UBE2H: variants seen among roughly 807,000 people sequenced by gnomAD.
UBE2H encodes the protein ubiquitin-conjugating enzyme E2 H.
In UBE2H, 3 loss-of-function variants were observed where a neutral mutation model predicts 29.0. The observed-to-expected ratio is 0.10, with a 90% CI of 0.05 to 0.27. UBE2H has a LOEUF of 0.27. Among genes scored for constraint, UBE2H ranks in the 10% least tolerant of loss-of-function variants. UBE2H has a pLI of 1.00. For synonymous variants in UBE2H, 69 were observed against 82.9 expected (o/e 0.83, Z 0.91); for missense variants, 68 against 228.2 (o/e 0.30, Z 4.52).
At chr7:129,918,294 TGTA>T (rs1807084099) in intron 1 of UBE2H, among the ~76,000 whole-genome samples, 1 of 151,916 alleles carries the variant, frequency 6.6e-6, no homozygotes, top group African/African-American at 2.4e-5. Flanking sequence ...CTACATACAA[TGTA>T]GCAAGAGTAA....
rs1563016661 is a variant in UBE2H at position 129,835,081 on chromosome 7, G to C, written c.428-20C>G. The C allele has an allele frequency of 6.2e-7, 1 of 1,613,894 alleles. No homozygotes were observed. Among genetic ancestry groups the C allele is most frequent in the African/African-American group, 1.3e-5 (1 of 75,034 alleles). On this transcript the variant is annotated intron_variant, in intron 6 of 6. Coordinates refer to ENST00000355621, the MANE Select transcript of UBE2H (RefSeq NM_003344.4). ...TGTACTCTGCACGGGGTGGGAGAAAGACAACAAGGGCAGTGAGTGGGCAGG... is the reference window on the plus strand; with the variant it reads ...TGTACTCTGCACGGGGTGGGAGAAACACAACAAGGGCAGTGAGTGGGCAGG...
intron 5 of UBE2H, among the ~76,000 whole-genome samples, chr7:129,853,498 A>G (rs1372720862): frequency 6.6e-6 from 1 of 152,240 alleles, no homozygotes; most frequent in Non-Finnish European, 1.5e-5. Flanking sequence ...CAATAACAAT[A>G]GATAACTTCA....
In UBE2H at chr7:129,834,130, T is replaced by C. The variant is rs1183432869; in HGVS notation, c.*807A>G. 6.6e-6 allele frequency: 1 copy of C among 152,142 alleles called. No homozygotes were observed. The highest frequency in any genetic ancestry group is 1.5e-5 in the Non-Finnish European group (1 of 68,026). 9.4% of individuals were successfully genotyped at this position (152,142 alleles called of 1,614,324 possible). A position where few individuals can be genotyped will look rare whatever the true frequency, so the allele number is the denominator to read the frequency against. ...ATGAGGATGTGACTCTGCATGTGTTTTGGATGAGAGGAAGCATCGTCCCAG... is the reference window on the plus strand; with the variant it reads ...ATGAGGATGTGACTCTGCATGTGTTCTGGATGAGAGGAAGCATCGTCCCAG... On this transcript the variant is annotated 3_prime_UTR_variant, in exon 7 of 7. Coordinates refer to ENST00000355621, the MANE Select transcript of UBE2H (RefSeq NM_003344.4).
At chr7:129,937,186 G>T (rs903382632) in intron 1 of UBE2H, among the ~76,000 whole-genome samples, 1 of 149,900 alleles carries the variant, frequency 6.7e-6, no homozygotes, top group Non-Finnish European at 1.5e-5. Context: ...AAAATTAGCC[G>T]GGCATGGTGG....
At chr7:129,874,629 C>T (rs920115068) in intron 3 of UBE2H, among the ~76,000 whole-genome samples, 2 of 151,984 alleles carry the variant, frequency 1.3e-5, no homozygotes, top group Admixed American at 1.3e-4. Flanking sequence ...TATTAGAAGA[C>T]TTTTATATTT....
intron 1 of UBE2H, among the ~76,000 whole-genome samples, chr7:129,882,344 C>T (rs1162599466): frequency 6.6e-6 from 1 of 152,156 alleles, no homozygotes; most frequent in Non-Finnish European, 1.5e-5. Context: ...TCTCCATCAG[C>T]AGTGCAAATT....
At chr7:129,884,980 T>C (rs1806330266) in intron 1 of UBE2H, among the ~76,000 whole-genome samples, 2 of 151,976 alleles carry the variant, frequency 1.3e-5, no homozygotes, top group South Asian at 4.1e-4. Context: ...GGCAGGAAGA[T>C]TGTTTGAGCC....
At chr7:129,856,730 G>A (rs746166117) in intron 5 of UBE2H, among the ~76,000 whole-genome samples, 2 of 152,170 alleles carry the variant, frequency 1.3e-5, no homozygotes, top group Admixed American at 6.5e-5. Context: ...CACACAGTTT[G>A]AACTGCATGG....
intron 3 of UBE2H, among the ~76,000 whole-genome samples, chr7:129,864,827 C>G (rs150713657): frequency 6.6e-6 from 1 of 152,214 alleles, no homozygotes; most frequent in African/African-American, 2.4e-5. Flanking sequence ...GCTGGGATTA[C>G]AGGAGTGAGC....
chr7:129,853,791 T>C (rs752308104), intron 5 of UBE2H, among the ~76,000 whole-genome samples: 7 of 152,148 alleles, frequency 4.6e-5, no homozygotes, highest in Non-Finnish European at 8.8e-5. Context: ...AACATGAATG[T>C]TGTTTAATAT....
intron 6 of UBE2H, among the ~76,000 whole-genome samples, chr7:129,836,501 C>A (rs545591885): frequency 6.6e-6 from 1 of 152,294 alleles, no homozygotes; most frequent in South Asian, 2.1e-4. Flanking sequence ...CCAAGTCCTG[C>A]CAGCTATGGC....
rs1805296438 is a variant in UBE2H at position 129,835,036 on chromosome 7, C to T, written c.453G>A (p.Glu151=). The T allele has an allele frequency of 6.2e-7, 1 of 1,614,036 alleles. No homozygotes were observed. The highest frequency in any genetic ancestry group is 1.3e-5 in the African/African-American group (1 of 74,912). ...IKEYIQKYAT[E]EALKEQEEGT... is the part of the protein sequence containing the mutation. ...CCTCTTCCTGTTCTTTCAGCGCCTCCTCCGTGGCGTATTTCTGGATGTACT... is the reference window on the plus strand; with the variant it reads ...CCTCTTCCTGTTCTTTCAGCGCCTCTTCCGTGGCGTATTTCTGGATGTACT... Residue 151 remains glutamate (E), a synonymous_variant, in exon 7 of 7, where the codon GAG becomes GAA. Transcript: ENST00000355621.
intron 3 of UBE2H, among the ~76,000 whole-genome samples, chr7:129,869,448 C>G (rs1805983972): frequency 6.6e-6 from 1 of 152,162 alleles, no homozygotes; most frequent in South Asian, 2.1e-4. Flanking sequence ...CTGTAATCCA[C>G]AGATTCTCCC....
intron 1 of UBE2H, among the ~76,000 whole-genome samples, chr7:129,886,747 C>T (rs1055686274): frequency 2.2e-5 from 2 of 90,522 alleles, no homozygotes; most frequent in Non-Finnish European, 4.4e-5. Context: ...ATTTTCACTA[C>T]CTGGTTTTTT....
intron 1 of UBE2H, among the ~76,000 whole-genome samples, chr7:129,925,503 A>G (rs1292566675): frequency 2.0e-5 from 3 of 152,160 alleles, no homozygotes; most frequent in Non-Finnish European, 4.4e-5. Context: ...AAGCGAAACA[A>G]CATTCACTGT....
At chr7:129,930,518 C>A (rs1807367476) in intron 1 of UBE2H, among the ~76,000 whole-genome samples, 1 of 151,592 alleles carries the variant, frequency 6.6e-6, no homozygotes, top group African/African-American at 2.4e-5. Flanking sequence ...CGCCTGTAAT[C>A]CCAGTACTTT....
intron 2 of UBE2H, 36 bp downstream of exon 2, chr7:129,880,859 T>A (rs370007126): frequency 8.3e-5 from 129 of 1,557,260 alleles, no homozygotes; most frequent in Non-Finnish European, 1.1e-4. Context: ...AGTAAAAGAC[T>A]GTAATAGAAG....
intron 1 of UBE2H, among the ~76,000 whole-genome samples, chr7:129,885,517 T>C (rs1410329754): frequency 6.6e-6 from 1 of 152,210 alleles, no homozygotes; most frequent in Non-Finnish European, 1.5e-5. Context: ...TTGTTTGGAA[T>C]TCAGTCCATA....
intron 3 of UBE2H, among the ~76,000 whole-genome samples, chr7:129,863,101 T>C (rs533333670): frequency 9.2e-5 from 14 of 152,244 alleles, no homozygotes; most frequent in Non-Finnish European, 1.8e-4. Flanking sequence ...CCTCCCTCAT[T>C]GGACATGACC....
Sources: gnomAD v4.1 joint callset for allele counts (sites outside exome capture counted in the v4.1 genomes callset) on GRCh38, gnomAD v4.1.1 for gene constraint, MANE v1.5 for transcripts, NCBI Gene and HGNC (gene_info 2026-07-23, HGNC 2026-07-21) for gene names.